Variants in ADARB2 observed in about 807,000 individuals in gnomAD.
ADARB2 encodes inactive double-stranded RNA-specific editase B2.
ADARB2 carries 25 observed loss-of-function variants against 62.2 expected under a neutral mutation model. The ratio of observed to expected loss-of-function variants is 0.40; its 90% CI spans 0.29 to 0.56. ADARB2 has a LOEUF of 0.56. Among genes scored for constraint, ADARB2 ranks in the 20% least tolerant of loss-of-function variants. The probability of loss-of-function intolerance (pLI) is 0.43; values close to 1 mark genes in which losing one functional copy is unlikely to be tolerated. For missense variants in ADARB2, 1,071 were observed against 1,077.4 expected, an observed-to-expected ratio of 0.99 and a Z score of 0.08; for synonymous variants, 572 against 500.8, an observed-to-expected ratio of 1.14 and a Z score of -1.90.
At chr10:1,327,078 CAGCGCCTCCTCACTGCA>C (rs1831865169) in intron 3 of ADARB2, among the ~76,000 whole-genome samples, 2 of 115,600 alleles carry the variant, frequency 1.7e-5, no homozygotes, top group African/African-American at 6.8e-5. Flanking sequence ...CCCCACTGCA[CAGCGCCTCCTCACTGCA>C]CAGCGCCTCC....
At position 1,363,382 on chromosome 10, in the gene ADARB2, G is replaced by C; in HGVS notation, c.723C>G (p.Pro241=). The part of the protein sequence containing the change: ...APRPGLAGGR[P]GDAALLSAAY... The stretch of plus-strand genomic sequence containing the variant: ...CCGCGGACAGAAGCGCGGCGTCCCC[G>C]GGGCGGCCTCCCGCGAGTCCGGGGC... Residue 241 remains proline (P), a synonymous_variant, in exon 3 of 10, where the codon CCC becomes CCG. Coordinates refer to ENST00000381312, the MANE Select transcript of ADARB2 (RefSeq NM_018702.4). The C allele has an allele frequency of 7.5e-7, 1 of 1,329,998 alleles. No homozygotes were observed. Among genetic ancestry groups the C allele is most frequent in the Non-Finnish European group, 9.6e-7 (1 of 1,039,148 alleles). 82.4% of individuals were successfully genotyped at this position (1,329,998 alleles called of 1,614,324 possible). A position where few individuals can be genotyped will look rare whatever the true frequency, so the allele number is the denominator to read the frequency against.
At chr10:1,443,907 C>T (rs1708264622) in intron 1 of ADARB2, among the ~76,000 whole-genome samples, 1 of 152,154 alleles carries the variant, frequency 6.6e-6, no homozygotes. Flanking sequence ...AAATCTACCA[C>T]TATTGCAGGT....
intron 1 of ADARB2, among the ~76,000 whole-genome samples, chr10:1,644,542 G>GGTTATCA (rs1333893574): frequency 6.6e-6 from 1 of 152,290 alleles, no homozygotes; most frequent in Non-Finnish European, 1.5e-5. Flanking sequence ...TGGTGACACA[G>GGTTATCA]GTTATCATCG....
In ADARB2 at chr10:1,217,073, G is replaced by C; in HGVS notation, c.1560C>G (p.Arg520=). 6.2e-7 allele frequency: 1 copy of C among 1,608,626 alleles called. No individual in the cohort carries two copies. The highest frequency in any genetic ancestry group is 8.5e-7 in the Non-Finnish European group (1 of 1,177,796). ...TCCCTTCCCCGGACTCGATCTTGGT[G>C]CGCAGGTGCCCGCGGAACTTCCTGA... ...HLVRKFRGHL[R]TKIESGEGTV... is the part of the protein sequence containing the mutation. The change falls in exon 7 of 10, where the codon CGC becomes CGG. Residue 520 remains arginine, a synonymous_variant. Transcript: ENST00000381312.
chr10:1,518,085 A>G (rs1309889041), intron 1 of ADARB2, among the ~76,000 whole-genome samples: 2 of 152,200 alleles, frequency 1.3e-5, no homozygotes, highest in East Asian at 3.9e-4. Flanking sequence ...AAAACAGGCG[A>G]TATTTGTTAC....
At chr10:1,320,688 G>C (rs755141952) in intron 3 of ADARB2, among the ~76,000 whole-genome samples, 1 of 152,248 alleles carries the variant, frequency 6.6e-6, no homozygotes, top group Non-Finnish European at 1.5e-5. Flanking sequence ...GCGATGCTGA[G>C]ATTTGCTGTC....
chr10:1,362,921 C>T (rs550891672), intron 3 of ADARB2, 107 bp downstream of exon 3: 5 of 1,084,884 alleles, frequency 4.6e-6, no homozygotes, highest in Admixed American at 4.3e-5. Flanking sequence ...TCCACGCGGC[C>T]TCTCCTTCTC....
rs544036253 is a variant in ADARB2 at position 1,356,608 on chromosome 10, C to T, written c.1077+6420G>A. On this transcript the variant is annotated intron_variant, in intron 3 of 9. Transcript: ENST00000381312. Reference sequence around the variant, plus strand: ...AGTTGGGGCTTTCATGCTGGCCTTCCAGGGAAGCCTTAGGGCTGGCCCAAG... The same window carrying T: ...AGTTGGGGCTTTCATGCTGGCCTTCTAGGGAAGCCTTAGGGCTGGCCCAAG... 2.0e-5 allele frequency among the ~76,000 whole-genome samples: 3 copies of T among 152,314 alleles called. No homozygotes were observed. The South Asian group carries it at 6.2e-4, about 32-fold the overall frequency.
chr10:1,228,936 C>T (rs1168164099), intron 6 of ADARB2, among the ~76,000 whole-genome samples: 1 of 152,182 alleles, frequency 6.6e-6, no homozygotes, highest in Middle Eastern at 3.2e-3. Context: ...GCTCAAAACC[C>T]GACCTGTGCT....
intron 1 of ADARB2, among the ~76,000 whole-genome samples, chr10:1,553,283 A>G (rs1832654480): frequency 6.6e-6 from 1 of 152,224 alleles, no homozygotes; most frequent in African/African-American, 2.4e-5. Flanking sequence ...GCTGCTTTTA[A>G]TGGCTGAATT....
intron 4 of ADARB2, among the ~76,000 whole-genome samples, chr10:1,267,882 T>A (rs1388877956): frequency 6.6e-6 from 1 of 152,194 alleles, no homozygotes; most frequent in Non-Finnish European, 1.5e-5. Flanking sequence ...GCTGTTCAGC[T>A]GTTACAATCA....
chr10:1,288,534 G>A (rs2131809120), intron 3 of ADARB2, among the ~76,000 whole-genome samples: 2 of 152,308 alleles, frequency 1.3e-5, no homozygotes, highest in South Asian at 4.1e-4. Context: ...AGTAAGTTGT[G>A]GGTCTGGAAG....
intron 1 of ADARB2, among the ~76,000 whole-genome samples, chr10:1,578,750 G>GTA (rs1438865931): frequency 1.8e-4 from 3 of 16,414 alleles, no homozygotes; most frequent in Admixed American, 1.1e-3. Context: ...CCGCACACAG[G>GTA]TACCTATGTT....
chr10:1,631,319 C>T (rs151293030), intron 1 of ADARB2, among the ~76,000 whole-genome samples: 8 of 152,130 alleles, frequency 5.3e-5, no homozygotes, highest in East Asian at 3.9e-4. Flanking sequence ...ACAGGCTGGA[C>T]GCGGCAGGGA....
intron 3 of ADARB2, among the ~76,000 whole-genome samples, chr10:1,276,397 T>C (rs143661946): frequency 0.25 from 38,380 of 152,082 alleles, 6,065 homozygotes; most frequent in South Asian, 0.5. Flanking sequence ...CATTGTAGAT[T>C]CTGGATATTA....
intron 1 of ADARB2, among the ~76,000 whole-genome samples, chr10:1,714,214 A>T (rs974650040): frequency 6.6e-6 from 1 of 152,226 alleles, no homozygotes. Context: ...CACTGGGTGG[A>T]GGAAGGTTGG....
At chr10:1,409,187 G>C (rs889299411) in intron 1 of ADARB2, among the ~76,000 whole-genome samples, 1 of 151,314 alleles carries the variant, frequency 6.6e-6, no homozygotes, top group Non-Finnish European at 1.5e-5. Flanking sequence ...TGCCTTCCTC[G>C]ACCCGCCCTG....
chr10:1,660,337 T>C (rs936444254), intron 1 of ADARB2, among the ~76,000 whole-genome samples: 2 of 152,262 alleles, frequency 1.3e-5, no homozygotes, highest in African/African-American at 4.8e-5. Context: ...TCACTCTGTG[T>C]CAGAAATTAT....
intron 1 of ADARB2, among the ~76,000 whole-genome samples, chr10:1,597,232 G>T (rs7918273): frequency 0.17 from 25,218 of 152,120 alleles, 2,465 homozygotes; most frequent in Non-Finnish European, 0.21. Context: ...TTTCTCTTTT[G>T]GGGGAGGGGG....
Sources: allele counts gnomAD v4.1 joint callset (sites outside exome capture counted in the v4.1 genomes callset), GRCh38; gene constraint gnomAD v4.1.1; transcripts MANE v1.5; gene names NCBI Gene and HGNC (gene_info 2026-07-23, HGNC 2026-07-21).